The following GNAO1 variants were observed in gnomAD, a reference collection of about 807,000 sequenced individuals.
GNAO1 encodes G protein subunit alpha o1, also known as guanine nucleotide-binding protein G(o) subunit alpha.
For synonymous variants in GNAO1, 164 were observed against 180.7 expected (o/e 0.91, Z 0.74); for missense variants, 166 against 478.7 (o/e 0.35, Z 6.10).
chr16:56,213,904 A>G (rs1596800179), intron 2 of GNAO1, among the ~76,000 whole-genome samples: 1 of 149,766 alleles, frequency 6.7e-6, no homozygotes, highest in Admixed American at 6.6e-5. Context: ...CACTAAAGAC[A>G]GGGGCGGGAA....
At chr16:56,237,872 G>A (rs2036654043) in intron 2 of GNAO1, among the ~76,000 whole-genome samples, 2 of 152,124 alleles carry the variant, frequency 1.3e-5, no homozygotes, top group African/African-American at 2.4e-5. Context: ...AGCTGGCAAC[G>A]GATAAAAGAC....
At chr16:56,269,872 G>A (rs539432546) in intron 2 of GNAO1, among the ~76,000 whole-genome samples, 2 of 152,168 alleles carry the variant, frequency 1.3e-5, no homozygotes, top group Non-Finnish European at 2.9e-5. Flanking sequence ...GAGAATGGCT[G>A]CTGGGCCAGA....
intron 6 of GNAO1, chr16:56,347,262 C>G: frequency 1.0e-6 from 1 of 985,346 alleles, no homozygotes; most frequent in Non-Finnish European, 1.2e-6. Flanking sequence ...TTCTCAGGAA[C>G]CCAGACCTGA....
At chr16:56,207,966 A>G (rs2036346229) in intron 2 of GNAO1, among the ~76,000 whole-genome samples, 2 of 152,188 alleles carry the variant, frequency 1.3e-5, no homozygotes, top group Non-Finnish European at 2.9e-5. Flanking sequence ...CTTTTTGATC[A>G]CAGCTCCCTG....
intron 3 of GNAO1, among the ~76,000 whole-genome samples, chr16:56,285,844 C>T (rs1320243895): frequency 6.6e-6 from 1 of 152,220 alleles, no homozygotes; most frequent in Non-Finnish European, 1.5e-5. Flanking sequence ...CTGTAGCTTT[C>T]ACTGTGAGAG....
intron 4 of GNAO1, among the ~76,000 whole-genome samples, chr16:56,329,699 C>G (rs1180250740): frequency 6.6e-6 from 1 of 152,230 alleles, no homozygotes; most frequent in African/African-American, 2.4e-5. Context: ...TGGGGGCTTT[C>G]TGCAAGGAGC....
At chr16:56,266,837 T>C (rs2036958555) in intron 2 of GNAO1, among the ~76,000 whole-genome samples, 1 of 152,080 alleles carries the variant, frequency 6.6e-6, no homozygotes, top group Non-Finnish European at 1.5e-5. Context: ...TGTGCCCCAC[T>C]CTTAACACGT....
intron 5 of GNAO1, among the ~76,000 whole-genome samples, chr16:56,335,180 G>T (rs2037728781): frequency 6.6e-6 from 1 of 152,186 alleles, no homozygotes; most frequent in Non-Finnish European, 1.5e-5. Context: ...CCCTTCCAAG[G>T]TCACCTTGGG....
intron 2 of GNAO1, among the ~76,000 whole-genome samples, chr16:56,247,077 C>T (rs1387701903): frequency 6.6e-6 from 1 of 152,198 alleles, no homozygotes; most frequent in Non-Finnish European, 1.5e-5. Context: ...CAGTCTAATC[C>T]ACTGTCCACC....
intron 2 of GNAO1, among the ~76,000 whole-genome samples, chr16:56,273,036 C>T (rs902975931): frequency 1.3e-5 from 2 of 152,174 alleles, no homozygotes; most frequent in Non-Finnish European, 2.9e-5. Flanking sequence ...AGTATTTACG[C>T]TAGAGTTTAC....
intron 3 of GNAO1, among the ~76,000 whole-genome samples, chr16:56,282,070 G>C (rs749677281): frequency 6.6e-6 from 1 of 152,158 alleles, no homozygotes; most frequent in Non-Finnish European, 1.5e-5. Flanking sequence ...GCCTATGCCT[G>C]TTTCTCTCAA....
At chr16:56,200,324 G>A (rs1006281773) in intron 2 of GNAO1, among the ~76,000 whole-genome samples, 9 of 152,174 alleles carry the variant, frequency 5.9e-5, no homozygotes, top group Non-Finnish European at 1.0e-4. Context: ...CTTAATAAAC[G>A]TTAGTTAAAG....
chr16:56,324,612 C>T (rs2037612773), intron 3 of GNAO1, among the ~76,000 whole-genome samples: 1 of 152,252 alleles, frequency 6.6e-6, no homozygotes, highest in South Asian at 2.1e-4. Context: ...CACCCACCTG[C>T]TGCTGCCCTG....
intron 3 of GNAO1, among the ~76,000 whole-genome samples, chr16:56,284,919 G>A (rs369377246): frequency 6.6e-5 from 10 of 152,196 alleles, no homozygotes; most frequent in African/African-American, 1.9e-4. Flanking sequence ...TTTGCCATGC[G>A]TGCTTCCATT....
intron 2 of GNAO1, among the ~76,000 whole-genome samples, chr16:56,236,815 A>G (rs1313097121): frequency 6.6e-6 from 1 of 152,182 alleles, no homozygotes; most frequent in Non-Finnish European, 1.5e-5. Context: ...AAGTCTCATC[A>G]CCATTTAAAG....
intron 2 of GNAO1, chr16:56,235,014 C>T (rs1206198391): frequency 3.5e-6 from 1 of 285,454 alleles, no homozygotes; most frequent in African/African-American, 2.2e-5. Flanking sequence ...ACCCCACAGC[C>T]CCTCGGGGAG....
intron 2 of GNAO1, chr16:56,235,181 T>C: frequency 2.6e-6 from 1 of 383,778 alleles, no homozygotes; most frequent in Non-Finnish European, 5.1e-6. Context: ...AGGCTGGTGA[T>C]TGAGACAAGT....
chr16:56,248,391 C>T (rs767771945), intron 2 of GNAO1, among the ~76,000 whole-genome samples: 2 of 152,112 alleles, frequency 1.3e-5, no homozygotes, highest in Non-Finnish European at 2.9e-5. Context: ...TGTCCAAAGC[C>T]ATGTACTGAG....
intron 3 of GNAO1, among the ~76,000 whole-genome samples, chr16:56,313,587 A>C (rs945949766): frequency 3.3e-5 from 5 of 152,132 alleles, no homozygotes; most frequent in African/African-American, 1.2e-4. Flanking sequence ...TTGAAGAAAA[A>C]TTTGGCCCCA....
Sources: gnomAD v4.1 joint callset for allele counts (sites outside exome capture counted in the v4.1 genomes callset) on GRCh38, gnomAD v4.1.1 for gene constraint, MANE v1.5 for transcripts, NCBI Gene and HGNC (gene_info 2026-07-23, HGNC 2026-07-21) for gene names.